TAAR1: variants seen among roughly 807,000 people sequenced by gnomAD.
TAAR1 encodes the protein trace amine-associated receptor 1.
A neutral mutation model predicts 1.2 loss-of-function variants in TAAR1; 1 was observed. That is an observed-to-expected ratio of 0.81 (90% CI 0.29 to 3.86). The LOEUF (loss-of-function observed/expected upper bound fraction) is 3.86. Among genes scored for constraint, TAAR1 ranks in the 30% most tolerant of loss-of-function variants. The pLI is 0.18. For missense variants in TAAR1, 445 were observed against 405.6 expected (o/e 1.10, Z -0.83); for synonymous variants, 153 against 132.2 (o/e 1.16, Z -1.08).
At position 132,645,573 on chromosome 6, in the gene TAAR1, A is replaced by T; in HGVS notation, c.431T>A (p.Ile144Asn). Residue 144 changes from isoleucine to asparagine, a missense_variant, in exon 2 of 2, where the codon ATC (isoleucine) becomes AAC (asparagine). Transcript: ENST00000275216. ...KMNILVICVMIFISWSVPAVF... is the reference protein window; with the variant it reads ...KMNILVICVMNFISWSVPAVF... ...AGCAGGGACACTCCAACTAATGAAG[A>T]TCATCACACAAATAACCAAGATATT... is the stretch of plus-strand genomic sequence containing the variant. 8.7e-6 allele frequency: 14 copies of T among 1,613,694 alleles called. No individual in the cohort carries two copies. Among genetic ancestry groups the T allele is most frequent in the Non-Finnish European group, 1.1e-5 (13 of 1,179,818 alleles).
intron 1 of TAAR1, among the ~76,000 whole-genome samples, 58 bp downstream of exon 1, chr6:132,659,072 T>C (rs1194712360): frequency 6.6e-6 from 1 of 151,746 alleles, no homozygotes; most frequent in Non-Finnish European, 1.5e-5. Flanking sequence ...AATACTACTT[T>C]AGGCCTTTGG....
At chr6:132,654,353 C>T (rs761280375) in intron 1 of TAAR1, among the ~76,000 whole-genome samples, 4 of 152,202 alleles carry the variant, frequency 2.6e-5, no homozygotes, top group African/African-American at 9.6e-5. Flanking sequence ...GTCTCTCGTG[C>T]TCTATGTCAT....
intron 1 of TAAR1, among the ~76,000 whole-genome samples, chr6:132,647,519 A>G (rs894162642): frequency 6.7e-5 from 10 of 149,788 alleles, no homozygotes; most frequent in African/African-American, 2.0e-4. Context: ...GGAGGGAGGA[A>G]AGGAGAGGAG....
intron 1 of TAAR1, among the ~76,000 whole-genome samples, chr6:132,653,987 A>G (rs1481188089): frequency 6.6e-6 from 1 of 152,236 alleles, no homozygotes; most frequent in African/African-American, 2.4e-5. Context: ...TGGGAAAAAA[A>G]CATAAATGCT....
In TAAR1 at chr6:132,646,110, C is replaced by T. The variant is rs193121901; in HGVS notation, c.-107G>A. 1.6e-6 allele frequency: 2 copies of T among 1,263,046 alleles called. No homozygotes were observed. The highest frequency in any genetic ancestry group is 1.1e-6 in the Non-Finnish European group (1 of 918,740). The allele number at this position is 1,263,046 out of a possible 1,614,324, so 78.2% of individuals were successfully genotyped here. A position where few individuals can be genotyped will look rare whatever the true frequency, so the allele number is the denominator to read the frequency against. On this transcript the variant is annotated 5_prime_UTR_variant, in exon 2 of 2. Coordinates refer to ENST00000275216, the MANE Select transcript of TAAR1 (RefSeq NM_138327.4). ...CCTTCTCATGTTTATTTTTTATTTG[C>T]ACATACTTATCCCAGAAACCTAGGA...
At chr6:132,652,494 G>T (rs1401224339) in intron 1 of TAAR1, among the ~76,000 whole-genome samples, 1 of 149,874 alleles carries the variant, frequency 6.7e-6, no homozygotes, top group Non-Finnish European at 1.5e-5. Context: ...TTTAGTAGAG[G>T]CGGGGTTTCA....
intron 1 of TAAR1, among the ~76,000 whole-genome samples, 81 bp downstream of exon 1, chr6:132,659,049 A>T (rs1040378810): frequency 8.5e-5 from 12 of 140,756 alleles, no homozygotes; most frequent in Admixed American, 2.9e-4. Context: ...TATCTTTAGC[A>T]TTCTTCCTGT....
intron 1 of TAAR1, among the ~76,000 whole-genome samples, chr6:132,652,655 G>C (rs112588083): frequency 1.2e-4 from 17 of 146,588 alleles, no homozygotes; most frequent in African/African-American, 4.3e-4. Flanking sequence ...AGACATACGA[G>C]ATAAAAGAAA....
chr6:132,647,620 AAAG>A (rs1229073083), intron 1 of TAAR1, among the ~76,000 whole-genome samples: 16 of 64,006 alleles, frequency 2.5e-4, no homozygotes, highest in African/African-American at 1.0e-3. Context: ...AAAGAAAGAA[AAAG>A]GAAAGAAAGA....
At chr6:132,648,185 G>C (rs1010104220) in intron 1 of TAAR1, among the ~76,000 whole-genome samples, 26 of 152,086 alleles carry the variant, frequency 1.7e-4, no homozygotes, top group African/African-American at 5.6e-4. Flanking sequence ...ATATTTTCTA[G>C]TTAGACTTTT....
At chr6:132,646,910 AG>A (rs1329013440) in intron 1 of TAAR1, among the ~76,000 whole-genome samples, 3 of 152,160 alleles carry the variant, frequency 2.0e-5, no homozygotes, top group African/African-American at 7.2e-5. Flanking sequence ...AACCAACTTG[AG>A]GTCAATTTTT....
intron 1 of TAAR1, among the ~76,000 whole-genome samples, chr6:132,647,557 A>AAAGAAAGG (rs1414806578): frequency 2.1e-5 from 3 of 143,998 alleles, no homozygotes; most frequent in African/African-American, 8.0e-5. Flanking sequence ...AAGAAAAAAG[A>AAAGAAAGG]AAGGAAGGAA....
chr6:132,651,049 T>G (rs1039934233), intron 1 of TAAR1, among the ~76,000 whole-genome samples: 22 of 152,194 alleles, frequency 1.4e-4, no homozygotes, highest in Admixed American at 1.4e-3. Flanking sequence ...TTAACCAAGT[T>G]ATTCTACATT....
chr6:132,656,747 T>C (rs1162713604), intron 1 of TAAR1, among the ~76,000 whole-genome samples: 1 of 152,168 alleles, frequency 6.6e-6, no homozygotes, highest in Non-Finnish European at 1.5e-5. Flanking sequence ...CAGGCTAGCA[T>C]AGGACATCTC....
chr6:132,655,667 A>G (rs1177383150), intron 1 of TAAR1, among the ~76,000 whole-genome samples: 2 of 152,138 alleles, frequency 1.3e-5, no homozygotes, highest in Non-Finnish European at 2.9e-5. Context: ...CTTTTCTAAC[A>G]GTATCACTCC....
At chr6:132,651,003 G>T (rs577277990) in intron 1 of TAAR1, among the ~76,000 whole-genome samples, 2 of 152,198 alleles carry the variant, frequency 1.3e-5, no homozygotes, top group South Asian at 4.1e-4. Context: ...TCACTGTAAT[G>T]AGAATCTCAT....
rs201530256 is a variant in TAAR1 at position 132,645,434 on chromosome 6, A to G, written c.570T>C (p.Ser190=). 1 of 1,613,794 alleles carries G rather than the reference A, an allele frequency of 6.2e-7. No homozygotes were observed. Among genetic ancestry groups the G allele is most frequent in the Admixed American group, 1.7e-5 (1 of 59,952 alleles). Residue 190 remains serine (S), a synonymous_variant, in exon 2 of 2, where the codon TCT becomes TCC. Coordinates refer to ENST00000275216, the MANE Select transcript of TAAR1 (RefSeq NM_138327.4). ...AAGAAGTCATAAAGGTCAGTACCCCAGATATTTTGCTAAAGAAGACAGAGC... is the reference window on the plus strand; with the variant it reads ...AAGAAGTCATAAAGGTCAGTACCCCGGATATTTTGCTAAAGAAGACAGAGC... ...GGCSVFFSKI[S]GVLTFMTSFY...
At chr6:132,651,613 C>A (rs61333913) in intron 1 of TAAR1, among the ~76,000 whole-genome samples, 3,290 of 152,214 alleles carry the variant, frequency 0.022, 88 homozygotes, top group East Asian at 0.11. Context: ...CAGATCATTT[C>A]TCCTCATTTC....
In TAAR1 at chr6:132,645,708, T is replaced by C. The variant is rs372879305; in HGVS notation, c.296A>G (p.His99Arg). ...WYFGEVFCKIHTSTDIMLSSA... is the reference protein window; with the variant it reads ...WYFGEVFCKIRTSTDIMLSSA... ...GCTCAGCATAATGTCGGTGCTTGTG[T>C]GAATTTTACAGAAGACTTCTCCAAA... The change falls in exon 2 of 2, where the codon CAC becomes CGC. Residue 99 changes from histidine to arginine, a missense_variant. By Grantham distance (29) the His-to-Arg change is conservative (BLOSUM62 0). Transcript: ENST00000275216. The C allele has an allele frequency of 6.2e-6, 10 of 1,613,526 alleles. No homozygotes were observed. The highest frequency in any genetic ancestry group is 1.3e-5 in the African/African-American group (1 of 74,870).
Sources: gnomAD v4.1 joint callset for allele counts (sites outside exome capture counted in the v4.1 genomes callset) on GRCh38, gnomAD v4.1.1 for gene constraint, MANE v1.5 for transcripts, NCBI Gene and HGNC (gene_info 2026-07-23, HGNC 2026-07-21) for gene names.